Variants in TLL2 observed in about 807,000 individuals in gnomAD.
TLL2 encodes the protein tolloid-like protein 2.
A neutral mutation model predicts 123.0 loss-of-function variants in TLL2; 106 were observed. The ratio of observed to expected loss-of-function variants is 0.86; its 90% CI spans 0.74 to 1.01. TLL2 has a LOEUF of 1.01. Among genes scored for constraint, TLL2 ranks in the 50% least tolerant of loss-of-function variants. The pLI, the probability that TLL2 is intolerant of heterozygous loss-of-function variation, is 0.00. For missense variants in TLL2, 1,332 were observed against 1,336.7 expected (o/e 1.00, Z 0.06); for synonymous variants, 494 against 516.8 (o/e 0.96, Z 0.60).
chr10:96,422,836 C>G (rs759497909), intron 5 of TLL2, 109 bp from the exon 6 acceptor site: 9 of 1,338,538 alleles, frequency 6.7e-6, no homozygotes, highest in Non-Finnish European at 9.3e-6. Flanking sequence ...TGTAAAAGAA[C>G]AGAATTTCAG....
chr10:96,395,841 G>A (rs758451141), intron 12 of TLL2, 34 bp downstream of exon 12: 24 of 1,606,478 alleles, frequency 1.5e-5, no homozygotes, highest in Admixed American at 3.4e-5. Flanking sequence ...AAAAGTTGCC[G>A]TTTCCTTGGG....
At chr10:96,377,914 G>C (rs1589405408) in intron 17 of TLL2, among the ~76,000 whole-genome samples, 1 of 152,242 alleles carries the variant, frequency 6.6e-6, no homozygotes, top group African/African-American at 2.4e-5. Context: ...CCACTATTCA[G>C]GGGTGGGATC....
intron 7 of TLL2, among the ~76,000 whole-genome samples, chr10:96,419,289 T>C: frequency 6.6e-6 from 1 of 152,086 alleles, no homozygotes; most frequent in Non-Finnish European, 1.5e-5. Flanking sequence ...AAATTGCAAC[T>C]TGAAAGGTTA....
chr10:96,511,754 G>C (rs1278392114), intron 1 of TLL2, among the ~76,000 whole-genome samples: 1 of 152,182 alleles, frequency 6.6e-6, no homozygotes, highest in African/African-American at 2.4e-5. Flanking sequence ...ACATTCCTGA[G>C]CAAATCAATC....
chr10:96,410,229 AC>A, intron 9 of TLL2, 129 bp downstream of exon 9: 1 of 661,110 alleles, frequency 1.5e-6, no homozygotes, highest in Non-Finnish European at 2.6e-6. Flanking sequence ...AGCAAACAGC[AC>A]CATGCCTGGC....
At chr10:96,452,874 G>A (rs750637957) in intron 2 of TLL2, among the ~76,000 whole-genome samples, 2 of 152,230 alleles carry the variant, frequency 1.3e-5, no homozygotes, top group Admixed American at 6.5e-5. Context: ...CCTTTTAAAA[G>A]GTTGATTCAG....
intron 16 of TLL2, 92 bp downstream of exon 16, chr10:96,384,495 G>C (rs574047726): frequency 1.5e-6 from 2 of 1,321,034 alleles, no homozygotes; most frequent in East Asian, 2.6e-5. Context: ...AGCAAGCAAA[G>C]AGAGAGAGGA....
At chr10:96,458,828 CTCACACCTATAAT>C (rs530233301) in intron 2 of TLL2, among the ~76,000 whole-genome samples, 6 of 152,120 alleles carry the variant, frequency 3.9e-5, no homozygotes, top group African/African-American at 1.4e-4. Context: ...GGAGCAGTGG[CTCACACCTATAAT>C]TCCAGCACTT....
At position 96,436,017 on chromosome 10, in the gene TLL2, T is replaced by C. The variant is rs997482237; in HGVS notation, c.365-3055A>G. Among the ~76,000 whole-genome samples, 5 of 152,244 alleles carry C rather than the reference T, an allele frequency of 3.3e-5. No individual in the cohort carries two copies. In the South Asian group the frequency reaches 1.0e-3, roughly 31 times the overall value. On this transcript the variant is annotated intron_variant, in intron 3 of 20. Coordinates refer to ENST00000357947, the MANE Select transcript of TLL2 (RefSeq NM_012465.4). ...TAAACATTTGTTTCTCTGTGTGTGT[T>C]ATTGATTTCTAACACTGCACTGTGT...
At chr10:96,396,070 TACTTAGGAAGGAA>T in intron 11 of TLL2, 50 bp from the exon 12 acceptor site, 1 of 1,588,878 alleles carries the variant, frequency 6.3e-7, no homozygotes, top group Non-Finnish European at 8.6e-7. Context: ...GGTCAGATCT[TACTTAGGAAGGAA>T]GGTTGGGGAG....
chr10:96,435,207 A>G (rs1846785142), intron 3 of TLL2, among the ~76,000 whole-genome samples: 1 of 151,162 alleles, frequency 6.6e-6, no homozygotes, highest in Non-Finnish European at 1.5e-5. Flanking sequence ...AATTTTTTGT[A>G]TTTTTAGTAG....
chr10:96,379,762 C>T (rs1046131485), intron 16 of TLL2, among the ~76,000 whole-genome samples: 2 of 152,228 alleles, frequency 1.3e-5, no homozygotes, highest in South Asian at 2.1e-4. Flanking sequence ...GCAGAGGTTG[C>T]AGTGAGCAGA....
chr10:96,379,630 T>G (rs779165755), intron 16 of TLL2, among the ~76,000 whole-genome samples: 24 of 152,150 alleles, frequency 1.6e-4, no homozygotes, highest in Middle Eastern at 3.2e-3. Flanking sequence ...GAGACCAGCC[T>G]GGCCAAAATG....
At chr10:96,423,520 A>C (rs1589419082) in intron 5 of TLL2, among the ~76,000 whole-genome samples, 1 of 152,200 alleles carries the variant, frequency 6.6e-6, no homozygotes, top group East Asian at 1.9e-4. Flanking sequence ...GTAATACTAA[A>C]ATTTATTTCA....
At chr10:96,490,266 C>A (rs1847398717) in intron 1 of TLL2, among the ~76,000 whole-genome samples, 1 of 152,210 alleles carries the variant, frequency 6.6e-6, no homozygotes, top group Admixed American at 6.5e-5. Flanking sequence ...GAACCGTTAA[C>A]TCTTTCCAAA....
rs1379163983 is a variant in TLL2 at position 96,368,179 on chromosome 10, C to G, written c.2957G>C (p.Arg986Pro). Reference protein sequence around the residue: ...IYSAGDSLMIRFRTDDTINKK... With the variant: ...IYSAGDSLMIPFRTDDTINKK... The stretch of plus-strand genomic sequence containing the variant: ...GTTGATGGTGTCATCTGTGCGGAAT[C>G]GAATCATCAGGGAATCACCTGCAGA... Residue 986 changes from arginine (R) to proline (P), a missense_variant, in exon 21 of 21, where the codon CGA (arginine) becomes CCA (proline). Arg to Pro is a moderately radical substitution (Grantham distance 103). Transcript: ENST00000357947. 1 of 1,614,120 alleles carries G rather than the reference C, an allele frequency of 6.2e-7. No homozygotes were observed. Among genetic ancestry groups the G allele is most frequent in the Admixed American group, 1.7e-5 (1 of 60,022 alleles).
intron 2 of TLL2, among the ~76,000 whole-genome samples, chr10:96,466,507 C>T (rs1037164125): frequency 6.6e-6 from 1 of 152,216 alleles, no homozygotes; most frequent in African/African-American, 2.4e-5. Flanking sequence ...CACTGAGGCT[C>T]TTCAGGTTGT....
intron 1 of TLL2, among the ~76,000 whole-genome samples, chr10:96,511,778 G>A (rs556244481): frequency 3.9e-5 from 6 of 152,202 alleles, no homozygotes; most frequent in African/African-American, 1.2e-4. Context: ...TCCCCACTCC[G>A]GGCCTCAGCG....
At chr10:96,513,196 C>T (rs1296644569) in intron 1 of TLL2, among the ~76,000 whole-genome samples, 1 of 152,194 alleles carries the variant, frequency 6.6e-6, no homozygotes, top group East Asian at 1.9e-4. Context: ...CAGTGCTGCC[C>T]ACTCGCTGTC....
Sources: gnomAD v4.1 joint callset for allele counts (sites outside exome capture counted in the v4.1 genomes callset) on GRCh38, gnomAD v4.1.1 for gene constraint, MANE v1.5 for transcripts, NCBI Gene and HGNC (gene_info 2026-07-23, HGNC 2026-07-21) for gene names.